Variants in ACVR1 observed in about 807,000 individuals in gnomAD.
ACVR1 encodes activin receptor type-1.
A neutral mutation model predicts 57.1 loss-of-function variants in ACVR1; 38 were observed. The observed-to-expected ratio is 0.67, with a 90% CI of 0.51 to 0.87. ACVR1 has a LOEUF of 0.87. Among genes scored for constraint, ACVR1 ranks in the 40% least tolerant of loss-of-function variants. The pLI is 0.00. For missense variants in ACVR1, 463 were observed against 638.2 expected, an observed-to-expected ratio of 0.73 and a Z score of 2.96; for synonymous variants, 212 against 228.1, an observed-to-expected ratio of 0.93 and a Z score of 0.63.
At chr2:157,797,418 T>C (rs1687163156) in intron 3 of ACVR1, among the ~76,000 whole-genome samples, 1 of 152,196 alleles carries the variant, frequency 6.6e-6, no homozygotes, top group South Asian at 2.1e-4. Flanking sequence ...TACTGTCCCA[T>C]CTGATCATAA....
chr2:157,828,014 A>C (rs192214831), intron 1 of ACVR1, among the ~76,000 whole-genome samples: 10 of 152,292 alleles, frequency 6.6e-5, no homozygotes, highest in Non-Finnish European at 1.3e-4. Flanking sequence ...AGCAAGGGGT[A>C]TTCTTTAATT....
Position 157,774,511 on chromosome 2 carries a change from C to T in ACVR1, c.544-324G>A, listed in dbSNP as rs550271505. ...TCCCAAGTAGCTGGGGTTACAGGCACGCGCCACCACGCCCGGCTAATTTTG... is the reference window on the plus strand; with the variant it reads ...TCCCAAGTAGCTGGGGTTACAGGCATGCGCCACCACGCCCGGCTAATTTTG... On this transcript the variant is annotated intron_variant, in intron 5 of 10. Transcript: ENST00000434821. 1.4e-4 allele frequency among the ~76,000 whole-genome samples: 22 copies of T among 152,172 alleles called. No homozygotes were observed. In the South Asian group the frequency reaches 1.7e-3, roughly 12 times the overall value.
At position 157,738,422 on chromosome 2, in the gene ACVR1, A is replaced by G. The variant is rs760982754; in HGVS notation, c.1395+18T>C. The stretch of plus-strand genomic sequence containing the variant: ...ACAATGGAAAAGAGCTCTAAAACTG[A>G]GAAACTGGCATTCTTACCGGGTCTG... On this transcript the variant is annotated intron_variant, in intron 10 of 10. Transcript: ENST00000434821. 6.2e-7 allele frequency: 1 copy of G among 1,614,060 alleles called. No individual in the cohort carries two copies. The highest frequency in any genetic ancestry group is 1.1e-5 in the South Asian group (1 of 91,082).
At chr2:157,865,829 T>TAGAA in intron 1 of ACVR1, among the ~76,000 whole-genome samples, 1 of 141,042 alleles carries the variant, frequency 7.1e-6, no homozygotes, top group African/African-American at 2.7e-5. Context: ...AAAAGATAGA[T>TAGAA]AGATAGATAG....
At chr2:157,744,088 T>C (rs1490204406) in intron 9 of ACVR1, among the ~76,000 whole-genome samples, 1 of 152,212 alleles carries the variant, frequency 6.6e-6, no homozygotes, top group African/African-American at 2.4e-5. Context: ...TGAAAGACAT[T>C]TCTCTCTCTC....
At chr2:157,859,569 A>G (rs1689655121) in intron 1 of ACVR1, among the ~76,000 whole-genome samples, 1 of 152,100 alleles carries the variant, frequency 6.6e-6, no homozygotes, top group East Asian at 1.9e-4. Context: ...ACCCCTTTCC[A>G]GTAACATGAT....
intron 1 of ACVR1, among the ~76,000 whole-genome samples, chr2:157,849,260 C>T (rs940345084): frequency 2.3e-4 from 35 of 152,200 alleles, no homozygotes; most frequent in African/African-American, 8.0e-4. Context: ...GTACCTATCA[C>T]ATTATCAAAA....
chr2:157,847,403 A>G (rs1689157995), intron 1 of ACVR1, among the ~76,000 whole-genome samples: 1 of 152,204 alleles, frequency 6.6e-6, no homozygotes, highest in Admixed American at 6.5e-5. Flanking sequence ...CTCTCTTTTA[A>G]TTTTATGGCT....
chr2:157,749,244 A>G (rs746920232), intron 9 of ACVR1, among the ~76,000 whole-genome samples: 1 of 152,250 alleles, frequency 6.6e-6, no homozygotes, highest in Non-Finnish European at 1.5e-5. Context: ...AAAGTTCAAC[A>G]GTATATTTGT....
chr2:157,810,616 T>TG (rs1223220998), intron 2 of ACVR1, among the ~76,000 whole-genome samples: 2 of 152,188 alleles, frequency 1.3e-5, no homozygotes, highest in Non-Finnish European at 2.9e-5. Context: ...TCTCTGGCAG[T>TG]GGGGGGCCTA....
At chr2:157,744,112 C>T (rs1259750780) in intron 9 of ACVR1, among the ~76,000 whole-genome samples, 1 of 152,204 alleles carries the variant, frequency 6.6e-6, no homozygotes, top group Non-Finnish European at 1.5e-5. Flanking sequence ...GCATCTCATG[C>T]CACAGTGTGC....
At chr2:157,842,241 C>G (rs190297824) in intron 1 of ACVR1, among the ~76,000 whole-genome samples, 215 of 152,264 alleles carry the variant, frequency 1.4e-3, no homozygotes, top group Middle Eastern at 6.8e-3. Context: ...TGGCACACAG[C>G]TGATGTTCTA....
rs550481036 is a variant in ACVR1 at position 157,859,805 on chromosome 2, T to C, written c.-183+15991A>G. ...TAAGTGTTTCCCAAAGTGTGGAACATGTACAACTGGTGGTCGCCTCACATG... is the reference window on the plus strand; with the variant it reads ...TAAGTGTTTCCCAAAGTGTGGAACACGTACAACTGGTGGTCGCCTCACATG... On this transcript the variant is annotated intron_variant, in intron 1 of 10. Coordinates refer to ENST00000434821, the MANE Select transcript of ACVR1 (RefSeq NM_001111067.4). 1.9e-3 allele frequency among the ~76,000 whole-genome samples: 290 copies of C among 152,282 alleles called. 1 individual carries two copies. The highest frequency in any genetic ancestry group is 6.6e-3 in the African/African-American group (273 of 41,570).
chr2:157,872,422 G>C (rs1690140858), intron 1 of ACVR1, among the ~76,000 whole-genome samples: 1 of 152,168 alleles, frequency 6.6e-6, no homozygotes, highest in Non-Finnish European at 1.5e-5. Context: ...CCAAGTGCTA[G>C]ATATATAAGA....
intron 3 of ACVR1, among the ~76,000 whole-genome samples, chr2:157,796,265 T>C (rs1017921711): frequency 3.7e-4 from 56 of 150,084 alleles, no homozygotes; most frequent in African/African-American, 1.3e-3. Flanking sequence ...TCATACAGAA[T>C]CGATAGCCGG....
rs118095009 is a variant in ACVR1 at position 157,805,911 on chromosome 2, C to T, written c.-7-6411G>A. Reference sequence around the variant, plus strand: ...TAACCTCAGCTTACTGCAGCCTCAACCTCCTCGGCTCAAATGATCCTGCTG... The same window carrying T: ...TAACCTCAGCTTACTGCAGCCTCAATCTCCTCGGCTCAAATGATCCTGCTG... On this transcript the variant is annotated intron_variant, in intron 2 of 10. Coordinates refer to ENST00000434821, the MANE Select transcript of ACVR1 (RefSeq NM_001111067.4). Among the ~76,000 whole-genome samples, 70 of 146,626 alleles carry T rather than the reference C, an allele frequency of 4.8e-4. 1 individual carries two copies. In the East Asian group the frequency reaches 0.013, roughly 26 times the overall value.
intron 3 of ACVR1, among the ~76,000 whole-genome samples, chr2:157,787,899 CCT>C (rs933793214): frequency 2.6e-5 from 4 of 152,108 alleles, no homozygotes; most frequent in African/African-American, 9.7e-5. Context: ...TCCTACTCTA[CCT>C]CTCTCTCTGG....
chr2:157,829,821 G>A (rs780524079), intron 1 of ACVR1, among the ~76,000 whole-genome samples: 1 of 152,058 alleles, frequency 6.6e-6, no homozygotes, highest in Non-Finnish European at 1.5e-5. Flanking sequence ...CCTTAAAAGT[G>A]CATTTTAATT....
At chr2:157,857,425 T>C (rs1349596179) in intron 1 of ACVR1, among the ~76,000 whole-genome samples, 2 of 151,652 alleles carry the variant, frequency 1.3e-5, no homozygotes, top group Non-Finnish European at 2.9e-5. Context: ...GAAGATACCC[T>C]TCCCCCGTCT....
Sources: allele counts gnomAD v4.1 joint callset (sites outside exome capture counted in the v4.1 genomes callset), GRCh38; gene constraint gnomAD v4.1.1; transcripts MANE v1.5; gene names NCBI Gene and HGNC (gene_info 2026-07-23, HGNC 2026-07-21).